The following ATRX variants were observed in gnomAD, a reference collection of about 807,000 sequenced individuals.
ATRX encodes ATRX chromatin remodeler, also known as chromatin remodeler ATRX.
ATRX carries 12 observed loss-of-function variants against 172.6 expected under a neutral mutation model. The ratio of observed to expected loss-of-function variants is 0.07; its 90% CI spans 0.04 to 0.11. The LOEUF is 0.11. Among genes scored for constraint, ATRX ranks in the 10% least tolerant of loss-of-function variants. The pLI, the probability that ATRX is intolerant of heterozygous loss-of-function variation, is 1.00. For missense variants in ATRX, 1,368 were observed against 1,767.4 expected (o/e 0.77, Z 4.05); for synonymous variants, 674 against 594.7 (o/e 1.13, Z -1.94).
At chrX:77,784,374 T>C (rs1557206725) in intron 1 of ATRX, among the ~76,000 whole-genome samples, 1 of 112,687 alleles carries the variant, frequency 8.9e-6, no homozygotes. Context: ...CTGACCCTTG[T>C]GTAAAATTAA....
intron 1 of ATRX, among the ~76,000 whole-genome samples, chrX:77,740,648 TA>T (rs1167422528): frequency 6.7e-5 from 7 of 104,289 alleles, no homozygotes; most frequent in East Asian, 3.0e-4. Context: ...CAGGACCAAT[TA>T]AAAAAAAAAG....
chrX:77,671,167 A>AAAAAATATAT (rs1424480831), intron 10 of ATRX, among the ~76,000 whole-genome samples: 221 of 15,723 alleles, frequency 0.014, 17 homozygotes, highest in Admixed American at 0.033. Flanking sequence ...AAAAAAAAAA[A>AAAAAATATAT]ATATATATAT....
At chrX:77,618,770 G>T in intron 21 of ATRX, 36 bp downstream of exon 21, 1 of 1,139,831 alleles carries the variant, frequency 8.8e-7, no homozygotes. Context: ...ATATAAAAAA[G>T]TAAGAATATT....
chrX:77,553,336 T>C (rs2064636035), intron 30 of ATRX, among the ~76,000 whole-genome samples: 1 of 111,866 alleles, frequency 8.9e-6, no homozygotes, highest in African/African-American at 3.2e-5. Context: ...CCCACCTGAA[T>C]CATTTTAGTA....
intron 1 of ATRX, among the ~76,000 whole-genome samples, chrX:77,747,969 G>A (rs1370483908): frequency 9.0e-6 from 1 of 111,340 alleles, no homozygotes; most frequent in African/African-American, 3.3e-5. Context: ...TTAAATAAGA[G>A]TCTGATTTCA....
At chrX:77,752,570 C>G (rs1209863308) in intron 1 of ATRX, among the ~76,000 whole-genome samples, 2 of 112,051 alleles carry the variant, frequency 1.8e-5, no homozygotes, top group Admixed American at 1.9e-4. Context: ...ATGCTTCCAA[C>G]TTTTGCCCAT....
chrX:77,780,572 C>T (rs2076534074), intron 1 of ATRX, among the ~76,000 whole-genome samples: 1 of 109,345 alleles, frequency 9.1e-6, no homozygotes, highest in Admixed American at 9.7e-5. Flanking sequence ...TCATGATCCA[C>T]CTGCCTCGGC....
chrX:77,637,876 G>A (rs1374836786), intron 15 of ATRX, among the ~76,000 whole-genome samples: 1 of 99,045 alleles, frequency 1.0e-5, no homozygotes, highest in Non-Finnish European at 2.0e-5. Flanking sequence ...GGCAGCGGAG[G>A]TTGCAATGAG....
rs192372358 is a variant in ATRX at position 77,750,373 on chromosome X, G to A, written c.21-33130C>T. Among the ~76,000 whole-genome samples the A allele has an allele frequency of 1.2e-4, 13 of 111,009 alleles. No individual in the cohort carries two copies. In the East Asian group the frequency reaches 2.8e-3, roughly 24 times the overall value. Reference sequence around the variant, plus strand: ...CAAACGATGAAATCATCATGCCCGGGGCAAAAGATACACAAACGTATAACA... The same window carrying A: ...CAAACGATGAAATCATCATGCCCGGAGCAAAAGATACACAAACGTATAACA... On this transcript the variant is annotated intron_variant, in intron 1 of 34. Transcript: ENST00000373344.
At chrX:77,582,164 C>G (rs1170287281) in intron 27 of ATRX, among the ~76,000 whole-genome samples, 1 of 111,019 alleles carries the variant, frequency 9.0e-6, no homozygotes, top group Admixed American at 9.6e-5. Context: ...CTTTGGGAGG[C>G]TGAGGCGGGT....
At chrX:77,775,384 CA>C (rs782571326) in intron 1 of ATRX, among the ~76,000 whole-genome samples, 1 of 111,255 alleles carries the variant, frequency 9.0e-6, no homozygotes, top group Non-Finnish European at 1.9e-5. Flanking sequence ...GTTACAGTTA[CA>C]AAAAAACAAT....
intron 1 of ATRX, among the ~76,000 whole-genome samples, chrX:77,778,590 A>G (rs781931219): frequency 6.3e-4 from 68 of 108,787 alleles, no homozygotes; most frequent in Non-Finnish European, 8.4e-4. Context: ...GCATGGTGGC[A>G]CACGCCTGTA....
intron 1 of ATRX, among the ~76,000 whole-genome samples, chrX:77,722,668 G>A (rs782548713): frequency 3.6e-5 from 4 of 111,749 alleles, no homozygotes; most frequent in African/African-American, 9.7e-5. Flanking sequence ...TTAGAATGGC[G>A]AACATTAAAA....
chrX:77,563,177 A>T (rs2065077096), intron 28 of ATRX, among the ~76,000 whole-genome samples: 1 of 112,456 alleles, frequency 8.9e-6, no homozygotes, highest in Non-Finnish European at 1.9e-5. Flanking sequence ...CTAACCCTAG[A>T]TGCAGAAGAT....
Position 77,726,681 on chromosome X carries a change from C to T in ATRX, c.21-9438G>A, listed in dbSNP as rs781858330. ...AGCCTTCAGGCTCACATTCACATAA[C>T]TACAAAAGGAGCTTGAGGCAGATGG... On this transcript the variant is annotated intron_variant, in intron 1 of 34. Transcript: ENST00000373344. 1.2e-4 allele frequency among the ~76,000 whole-genome samples: 13 copies of T among 111,551 alleles called. No individual in the cohort carries two copies. The East Asian group carries it at 2.8e-3, about 24-fold the overall frequency.
At chrX:77,620,259 A>G in intron 20 of ATRX, 136 bp downstream of exon 20, 1 of 630,403 alleles carries the variant, frequency 1.6e-6, no homozygotes, top group Non-Finnish European at 2.4e-6. Flanking sequence ...CTTTCACAGC[A>G]GACTAAGATG....
intron 1 of ATRX, among the ~76,000 whole-genome samples, chrX:77,735,919 G>A (rs2074539852): frequency 1.8e-5 from 2 of 109,507 alleles, no homozygotes; most frequent in Middle Eastern, 4.7e-3. Context: ...CAGGAGAATC[G>A]CTTGAACCTG....
intron 11 of ATRX, 131 bp downstream of exon 11, chrX:77,664,514 G>A (rs1468116084): frequency 2.2e-6 from 2 of 919,635 alleles, no homozygotes; most frequent in African/African-American, 4.0e-5. Flanking sequence ...GCCTCCCAAA[G>A]TCCTGAGATT....
chrX:77,664,275 T>G (rs2070107019), intron 11 of ATRX, among the ~76,000 whole-genome samples: 1 of 110,538 alleles, frequency 9.0e-6, no homozygotes, highest in Admixed American at 9.6e-5. Context: ...TCTTCTTCTT[T>G]TTGAGATGGA....
Sources: gnomAD v4.1 joint callset for allele counts (sites outside exome capture counted in the v4.1 genomes callset) on GRCh38, gnomAD v4.1.1 for gene constraint, MANE v1.5 for transcripts, NCBI Gene and HGNC (gene_info 2026-07-23, HGNC 2026-07-21) for gene names.